Variants in VWC2L observed in about 807,000 individuals in gnomAD.
VWC2L encodes von Willebrand factor C domain containing 2 like, also known as von Willebrand factor C domain-containing protein 2-like.
A neutral mutation model predicts 21.6 loss-of-function variants in VWC2L; 10 were observed. The ratio of observed to expected loss-of-function variants is 0.46; its 90% CI spans 0.29 to 0.78. VWC2L has a LOEUF of 0.78. Among genes scored for constraint, VWC2L ranks in the 30% least tolerant of loss-of-function variants. The pLI is 0.10. For synonymous variants in VWC2L, 96 were observed against 94.3 expected (o/e 1.02, Z -0.10); for missense variants, 209 against 277.1 (o/e 0.75, Z 1.74).
intron 3 of VWC2L, among the ~76,000 whole-genome samples, chr2:214,545,815 T>A (rs1018222121): frequency 6.6e-6 from 1 of 152,168 alleles, no homozygotes; most frequent in Non-Finnish European, 1.5e-5. Flanking sequence ...TAATATCCCA[T>A]GGGTCCTCAC....
At chr2:214,570,164 T>C (rs1436520941) in intron 3 of VWC2L, among the ~76,000 whole-genome samples, 1 of 152,142 alleles carries the variant, frequency 6.6e-6, no homozygotes, top group Non-Finnish European at 1.5e-5. Flanking sequence ...GGTGAGAAGA[T>C]GGAATAAAAA....
At position 214,577,160 on chromosome 2, in the gene VWC2L, T is replaced by TA. The variant is rs1690242963; in HGVS notation, c.*1345dup. 1 of 152,172 alleles carries TA rather than the reference T, an allele frequency of 6.6e-6. No individual in the cohort carries two copies. 9.4% of individuals were successfully genotyped at this position (152,172 alleles called of 1,614,324 possible). A position where few individuals can be genotyped will look rare whatever the true frequency, so the allele number is the denominator to read the frequency against. ...AGTCGCTTATTCCATGCTCCTGCCC[T>TA]AAAAACCCTGGCACAGATCTGATAG... On this transcript the variant is annotated 3_prime_UTR_variant, in exon 4 of 4. Coordinates refer to ENST00000312504, the MANE Select transcript of VWC2L (RefSeq NM_001080500.4).
At chr2:214,525,972 T>C (rs1195601445) in intron 3 of VWC2L, among the ~76,000 whole-genome samples, 2 of 152,070 alleles carry the variant, frequency 1.3e-5, no homozygotes. Context: ...ATGTAAGGCA[T>C]TTGGAACAGT....
At chr2:214,532,323 T>G (rs990913060) in intron 3 of VWC2L, among the ~76,000 whole-genome samples, 2 of 152,112 alleles carry the variant, frequency 1.3e-5, no homozygotes, top group African/African-American at 4.8e-5. Flanking sequence ...AAATCTGATC[T>G]TTTGCTTTGC....
At chr2:214,514,528 C>T (rs1364891541) in intron 3 of VWC2L, among the ~76,000 whole-genome samples, 2 of 152,112 alleles carry the variant, frequency 1.3e-5, no homozygotes, top group Non-Finnish European at 2.9e-5. Flanking sequence ...ACAACTAAAT[C>T]CCACCCTCCA....
chr2:214,559,512 A>G (rs1338585991), intron 3 of VWC2L, among the ~76,000 whole-genome samples: 1 of 151,376 alleles, frequency 6.6e-6, no homozygotes, highest in Non-Finnish European at 1.5e-5. Flanking sequence ...TTCTCCCACC[A>G]CTTTCTTAAG....
intron 3 of VWC2L, among the ~76,000 whole-genome samples, chr2:214,538,587 A>G (rs916694307): frequency 8.7e-6 from 1 of 115,276 alleles, no homozygotes; most frequent in Non-Finnish European, 1.8e-5. Context: ...CCAAGTTTAT[A>G]GTATAATTTT....
At chr2:214,445,854 T>C (rs1702830131) in intron 3 of VWC2L, among the ~76,000 whole-genome samples, 2 of 152,144 alleles carry the variant, frequency 1.3e-5, no homozygotes, top group South Asian at 4.1e-4. Context: ...AATTATACTA[T>C]GACTTCTTAT....
chr2:214,454,130 G>A (rs554095470), intron 3 of VWC2L, among the ~76,000 whole-genome samples: 5 of 151,972 alleles, frequency 3.3e-5, no homozygotes, highest in Non-Finnish European at 5.9e-5. Flanking sequence ...GTTCTGAAAC[G>A]TTGTTAAACT....
At chr2:214,559,318 C>T (rs184336349) in intron 3 of VWC2L, among the ~76,000 whole-genome samples, 277 of 152,180 alleles carry the variant, frequency 1.8e-3, no homozygotes, top group Non-Finnish European at 2.9e-3. Flanking sequence ...GAATGGCAAC[C>T]AACTATAGTT....
At chr2:214,447,951 T>A (rs1702864775) in intron 3 of VWC2L, among the ~76,000 whole-genome samples, 1 of 151,898 alleles carries the variant, frequency 6.6e-6, no homozygotes, top group Non-Finnish European at 1.5e-5. Flanking sequence ...ATGCCCTTTT[T>A]CCCTGCTTGT....
intron 3 of VWC2L, among the ~76,000 whole-genome samples, chr2:214,492,654 C>A (rs1229735868): frequency 9.2e-5 from 14 of 152,176 alleles, no homozygotes; most frequent in Non-Finnish European, 1.9e-4. Flanking sequence ...ATTATAAATG[C>A]ACCAGAGGAA....
At chr2:214,461,842 G>A (rs904807974) in intron 3 of VWC2L, among the ~76,000 whole-genome samples, 20 of 152,172 alleles carry the variant, frequency 1.3e-4, no homozygotes, top group African/African-American at 3.9e-4. Context: ...CAGGACAGTC[G>A]CAGTGGCTCA....
chr2:214,503,260 G>A (rs1009834422), intron 3 of VWC2L, among the ~76,000 whole-genome samples: 1 of 152,020 alleles, frequency 6.6e-6, no homozygotes, highest in Admixed American at 6.6e-5. Context: ...ACAAGTCCTC[G>A]ATTCATTCTG....
intron 1 of VWC2L, among the ~76,000 whole-genome samples, chr2:214,412,783 GAA>G (rs1260988581): frequency 2.0e-5 from 3 of 152,012 alleles, no homozygotes; most frequent in African/African-American, 7.2e-5. Flanking sequence ...ATGTTAGACT[GAA>G]AAGAGATGGT....
Position 214,496,230 on chromosome 2 carries a change from TA to T in VWC2L, c.520+59474del, listed in dbSNP as rs1021274955. The stretch of plus-strand genomic sequence containing the variant: ...AATCATAGATAAAGTACAATCAAAA[TA>T]AGGTATTACAATCTTATGGGACAAC... On this transcript the variant is annotated intron_variant, in intron 3 of 3. Transcript: ENST00000312504. Among the ~76,000 whole-genome samples the T allele has an allele frequency of 4.6e-5, 7 of 151,946 alleles. No homozygotes were observed. The South Asian group carries it at 1.0e-3, about 22-fold the overall frequency.
chr2:214,575,602 G>C, intron 3 of VWC2L, 70 bp from the exon 4 acceptor site: 1 of 1,566,860 alleles, frequency 6.4e-7, no homozygotes, highest in Non-Finnish European at 8.7e-7. Flanking sequence ...TTGGGGCTTG[G>C]GTTTGGATGG....
At chr2:214,529,483 T>C (rs1039819998) in intron 3 of VWC2L, among the ~76,000 whole-genome samples, 5 of 152,124 alleles carry the variant, frequency 3.3e-5, no homozygotes, top group Admixed American at 3.3e-4. Context: ...ATGACCAAAC[T>C]CTGTTTTCTC....
chr2:214,443,149 A>C (rs1702786269), intron 3 of VWC2L, among the ~76,000 whole-genome samples: 1 of 152,124 alleles, frequency 6.6e-6, no homozygotes, highest in Non-Finnish European at 1.5e-5. Context: ...GGGAAGCTGT[A>C]GCCGGCAGAT....
Sources: gnomAD v4.1 joint callset for allele counts (sites outside exome capture counted in the v4.1 genomes callset) on GRCh38, gnomAD v4.1.1 for gene constraint, MANE v1.5 for transcripts, NCBI Gene and HGNC (gene_info 2026-07-23, HGNC 2026-07-21) for gene names.